PTPRT: variants seen among roughly 807,000 people sequenced by gnomAD.
PTPRT encodes the protein protein tyrosine phosphatase receptor type T, also known as receptor-type tyrosine-protein phosphatase T.
A neutral mutation model predicts 176.8 loss-of-function variants in PTPRT; 56 were observed. The observed-to-expected ratio is 0.32, with a 90% CI of 0.26 to 0.40. The LOEUF is 0.40. Ranked by LOEUF, PTPRT falls within the 10% of genes least tolerant of loss-of-function variation. The pLI is 1.00. For missense variants in PTPRT, 1,540 were observed against 1,908.2 expected (o/e 0.81, Z 3.60); for synonymous variants, 783 against 739.0 (o/e 1.06, Z -0.96).
At chr20:42,774,940 C>T (rs768725376) in intron 4 of PTPRT, among the ~76,000 whole-genome samples, 18 of 152,284 alleles carry the variant, frequency 1.2e-4, no homozygotes, top group South Asian at 8.3e-4. Context: ...TGCCCCCAAA[C>T]GGCCTGCTCA....
At chr20:42,422,089 A>G (rs1439292820) in intron 9 of PTPRT, among the ~76,000 whole-genome samples, 1 of 152,256 alleles carries the variant, frequency 6.6e-6, no homozygotes, top group Non-Finnish European at 1.5e-5. Context: ...AAAATCCAAA[A>G]CTATAAAAAA....
intron 15 of PTPRT, among the ~76,000 whole-genome samples, chr20:42,199,740 C>T (rs1991375751): frequency 1.3e-5 from 2 of 152,070 alleles, no homozygotes; most frequent in African/African-American, 4.8e-5. Context: ...CTAGACTGGC[C>T]TTTCTGTTTC....
chr20:42,107,118 T>C (rs544505975), intron 23 of PTPRT, among the ~76,000 whole-genome samples, 197 bp from the exon 24 acceptor site: 3 of 152,374 alleles, frequency 2.0e-5, no homozygotes, highest in Admixed American at 6.5e-5. Flanking sequence ...CCTTGTCTGA[T>C]GGATAAAATA....
intron 7 of PTPRT, among the ~76,000 whole-genome samples, chr20:42,544,209 A>G (rs2072632976): frequency 6.6e-6 from 1 of 152,230 alleles, no homozygotes. Flanking sequence ...ACTTTTGTCT[A>G]CACTAAAAAT....
intron 1 of PTPRT, among the ~76,000 whole-genome samples, chr20:43,067,419 G>A (rs2011122479): frequency 6.6e-6 from 1 of 152,134 alleles, no homozygotes; most frequent in African/African-American, 2.4e-5. Flanking sequence ...AGAACATTGT[G>A]AATGCACCAA....
intron 7 of PTPRT, among the ~76,000 whole-genome samples, chr20:42,620,649 T>G (rs1057311110): frequency 4.6e-5 from 7 of 152,236 alleles, no homozygotes; most frequent in African/African-American, 1.7e-4. Context: ...CGTGGTTTGC[T>G]GTTTTTTAAG....
rs548029999 is a variant in PTPRT at position 42,211,200 on chromosome 20, G to A, written c.2343-11812C>T. 2.5e-3 allele frequency among the ~76,000 whole-genome samples: 374 copies of A among 151,816 alleles called. 2 individuals are homozygous for A. The highest frequency in any genetic ancestry group is 8.5e-3 in the African/African-American group (350 of 41,190). On this transcript the variant is annotated intron_variant, in intron 15 of 30. Transcript: ENST00000373187. Reference sequence around the variant, plus strand: ...CCTAAAACCATAAAAACCCTAGAAGGAAACCTAGGCATTACCATTCAGGAC... The same window carrying A: ...CCTAAAACCATAAAAACCCTAGAAGAAAACCTAGGCATTACCATTCAGGAC...
At chr20:42,755,994 AGAATT>A (rs889756405) in intron 6 of PTPRT, among the ~76,000 whole-genome samples, 1 of 152,244 alleles carries the variant, frequency 6.6e-6, no homozygotes, top group African/African-American at 2.4e-5. Flanking sequence ...AAAATTGAAA[AGAATT>A]GAATCAAGGC....
At chr20:42,169,105 A>G (rs1186006361) in intron 16 of PTPRT, among the ~76,000 whole-genome samples, 1 of 152,184 alleles carries the variant, frequency 6.6e-6, no homozygotes, top group Non-Finnish European at 1.5e-5. Context: ...TTCTCATTTT[A>G]ATTCCTGAGC....
chr20:42,071,546 C>T (rs972771226), downstream of PTPRT, among the ~76,000 whole-genome samples: 4 of 152,176 alleles, frequency 2.6e-5, no homozygotes, highest in Non-Finnish European at 4.4e-5. Flanking sequence ...AGAAGTTTCC[C>T]TGGTGTAATG....
chr20:42,136,513 G>A (rs1269628436), intron 18 of PTPRT, among the ~76,000 whole-genome samples: 3 of 152,244 alleles, frequency 2.0e-5, no homozygotes, highest in African/African-American at 7.2e-5. Context: ...TCCTTGTCCT[G>A]CCAGATCCAT....
intron 1 of PTPRT, among the ~76,000 whole-genome samples, chr20:42,888,405 T>C (rs969668496): frequency 6.6e-6 from 1 of 152,214 alleles, no homozygotes; most frequent in Admixed American, 6.5e-5. Context: ...TTGGGCAACA[T>C]ATTCGACACC....
chr20:43,016,431 C>T (rs991495058), intron 1 of PTPRT, among the ~76,000 whole-genome samples: 2 of 151,894 alleles, frequency 1.3e-5, no homozygotes, highest in Non-Finnish European at 2.9e-5. Flanking sequence ...TGTGGTCTCC[C>T]CTTTCCTTTC....
chr20:42,132,421 CG>C (rs1988163233), intron 18 of PTPRT, among the ~76,000 whole-genome samples: 1 of 152,068 alleles, frequency 6.6e-6, no homozygotes, highest in South Asian at 2.1e-4. Context: ...TTGCCAAACA[CG>C]TATCTCAGAA....
intron 1 of PTPRT, chr20:42,969,464 AATG>A (rs1192293995): frequency 2.0e-5 from 3 of 152,190 alleles, no homozygotes; most frequent in African/African-American, 7.2e-5. Flanking sequence ...TCTGCTCAAC[AATG>A]ATGATTTGAA....
At chr20:43,182,177 G>C (rs902756209) in intron 1 of PTPRT, among the ~76,000 whole-genome samples, 11 of 152,240 alleles carry the variant, frequency 7.2e-5, no homozygotes, top group African/African-American at 2.4e-4. Flanking sequence ...AAGAGAAATG[G>C]GTTTGTGGTC....
chr20:42,356,750 A>G (rs1333308723), intron 9 of PTPRT, among the ~76,000 whole-genome samples: 1 of 152,160 alleles, frequency 6.6e-6, no homozygotes, highest in Non-Finnish European at 1.5e-5. Context: ...ATGCTTTCCC[A>G]GAGCTCTCAG....
chr20:42,775,876 C>T (rs188522236), intron 4 of PTPRT, among the ~76,000 whole-genome samples: 29 of 152,238 alleles, frequency 1.9e-4, no homozygotes, highest in Admixed American at 9.1e-4. Context: ...TTGAATTGAA[C>T]GCATATATTT....
At chr20:42,839,057 C>T (rs1273074672) in intron 2 of PTPRT, among the ~76,000 whole-genome samples, 1 of 152,094 alleles carries the variant, frequency 6.6e-6, no homozygotes, top group Non-Finnish European at 1.5e-5. Context: ...TCCTAGAGGC[C>T]AGGGCTCAAT....
Sources: allele counts gnomAD v4.1 joint callset (sites outside exome capture counted in the v4.1 genomes callset), GRCh38; gene constraint gnomAD v4.1.1; transcripts MANE v1.5; gene names NCBI Gene and HGNC (gene_info 2026-07-23, HGNC 2026-07-21).